Variants in NLRP1 observed in about 807,000 individuals in gnomAD.
NLRP1 encodes NLR family pyrin domain containing 1.
Under a neutral mutation model 136.7 loss-of-function variants are expected in NLRP1, and 94 were observed. The ratio of observed to expected loss-of-function variants is 0.69; its 90% confidence interval spans 0.58 to 0.82. The LOEUF (loss-of-function observed/expected upper bound fraction) is 0.82, where lower values mean the gene tolerates loss of function less well. Among genes scored for constraint, NLRP1 ranks in the 40% least tolerant of loss-of-function variants. NLRP1 has a pLI of 0.00. For missense variants in NLRP1, 1,575 were observed against 1,802.7 expected, an observed-to-expected ratio of 0.87 and a Z score of 2.29; for synonymous variants, 690 against 725.1, an observed-to-expected ratio of 0.95 and a Z score of 0.78.
At chr17:5,547,620 G>T (rs115019185) in intron 5 of NLRP1, among the ~76,000 whole-genome samples, 1 of 152,196 alleles carries the variant, frequency 6.6e-6, no homozygotes, top group Non-Finnish European at 1.5e-5. Flanking sequence ...AATGTAAAAA[G>T]AGTACATTGA....
At chr17:5,513,536 T>G (rs1291347488), downstream of NLRP1, among the ~76,000 whole-genome samples, 1 of 152,186 alleles carries the variant, frequency 6.6e-6, no homozygotes, top group Non-Finnish European at 1.5e-5. Flanking sequence ...CAGAGAAAAA[T>G]AATTAGTCCA....
exon 16 of NLRP1, chr17:5,501,566 TCTTC>T (rs1211726894): frequency 1.5e-5 from 6 of 403,492 alleles, no homozygotes; most frequent in Non-Finnish European, 2.8e-5. Context: ...TTCTCTGCCT[TCTTC>T]CTTTTTTTTC....
Position 5,553,561 on chromosome 17 carries a change from G to C in NLRP1, c.2358-5C>G, listed in dbSNP as rs199738200. On this transcript the variant is annotated splice_region_variant and splice_polypyrimidine_tract_variant and intron_variant, in intron 4 of 16. Transcript: ENST00000572272. ...GTGACTGGGACCCACCTGAACCTGA[G>C]GGGGAGAGAGAAGGACAGGAGAGAT... is the stretch of plus-strand genomic sequence containing the variant. 38 of 1,612,560 alleles carry C rather than the reference G, an allele frequency of 2.4e-5. No homozygotes were observed. Among genetic ancestry groups the C allele is most frequent in the Middle Eastern group, 1.6e-4 (1 of 6,070 alleles).
chr17:5,558,660 C>A lies in NLRP1; in HGVS notation c.2036G>T (p.Ser679Ile), dbSNP rs199567688. ...CTCCATCTCTCTCTCCCCCTCATCA[C>A]TTAACAGGCCCAATAGGAAACGTGT... ...STTRFLLGLL[S>I]DEGEREMENI... The change falls in exon 4 of 17, where the codon AGT becomes ATT. Residue 679 changes from serine (S) to isoleucine (I), a missense_variant. Physicochemically the swap from Ser to Ile is moderately radical, Grantham distance 142. Transcript: ENST00000572272. 6.2e-7 allele frequency: 1 copy of A among 1,614,166 alleles called. No homozygotes were observed. Among genetic ancestry groups the A allele is most frequent in the South Asian group, 1.1e-5 (1 of 91,078 alleles).
intron 4 of NLRP1, among the ~76,000 whole-genome samples, chr17:5,556,791 T>TA: frequency 6.6e-6 from 1 of 152,110 alleles, no homozygotes; most frequent in South Asian, 2.1e-4. Context: ...TTTCGGCTAA[T>TA]TTATGTATTT....
Position 5,537,310 on chromosome 17 carries a change from G to A in NLRP1, c.2871-370C>T, listed in dbSNP as rs1448808057. On this transcript the variant is annotated intron_variant, in intron 7 of 16. Transcript: ENST00000572272. The surrounding 1 kb of genome is among the most constrained non-coding windows in gnomAD (Gnocchi z 4.5). Reference sequence around the variant, plus strand: ...GTGGGCCTCCCCAGGAAGGAGATGTGGCCTTGGGTGAGGTGGCTCTCACTG... The same window carrying A: ...GTGGGCCTCCCCAGGAAGGAGATGTAGCCTTGGGTGAGGTGGCTCTCACTG... Among the ~76,000 whole-genome samples, 1 of 152,214 alleles carries A rather than the reference G, an allele frequency of 6.6e-6. No homozygotes were observed. The highest frequency in any genetic ancestry group is 2.4e-5 in the African/African-American group (1 of 41,454).
intron 4 of NLRP1, among the ~76,000 whole-genome samples, chr17:5,557,381 G>T (rs988293022): frequency 6.6e-6 from 1 of 151,896 alleles, no homozygotes; most frequent in African/African-American, 2.4e-5. Flanking sequence ...AAATATGAAG[G>T]CCCACATCAA....
chr17:5,546,229 T>C (rs981301162), intron 5 of NLRP1, among the ~76,000 whole-genome samples: 7 of 151,918 alleles, frequency 4.6e-5, no homozygotes, highest in African/African-American at 1.5e-4. Context: ...GCCATGTCTA[T>C]TGTACCAGCT....
chr17:5,564,248 T>C (rs966350881), intron 3 of NLRP1, among the ~76,000 whole-genome samples: 12 of 152,330 alleles, frequency 7.9e-5, no homozygotes, highest in African/African-American at 2.6e-4. Flanking sequence ...ATTAATTTAT[T>C]ATTGACTATA....
At chr17:5,530,930 A>C (rs975250361) in intron 11 of NLRP1, among the ~76,000 whole-genome samples, 1 of 152,186 alleles carries the variant, frequency 6.6e-6, no homozygotes, top group African/African-American at 2.4e-5. Flanking sequence ...TGTAAGTAGG[A>C]GTAATTATAG....
chr17:5,520,798 A>G, intron 14 of NLRP1, 83 bp downstream of exon 14: 2 of 1,269,144 alleles, frequency 1.6e-6, no homozygotes, highest in African/African-American at 1.5e-5. Context: ...GTCCCTGAGA[A>G]AGCCCTGAGA....
chr17:5,529,821 T>C (rs1215463719), intron 12 of NLRP1: 1 of 329,874 alleles, frequency 3.0e-6, no homozygotes, highest in East Asian at 8.2e-5. Context: ...AATTTCAGCA[T>C]CTGAAGGATT....
chr17:5,511,939 A>G (rs1312356713), downstream of NLRP1: 4 of 375,510 alleles, frequency 1.1e-5, no homozygotes, highest in Non-Finnish European at 2.0e-5. Flanking sequence ...TGATATTTAC[A>G]GTATAGTCCT....
chr17:5,574,799 C>A (rs1413663925), intron 3 of NLRP1, among the ~76,000 whole-genome samples: 3 of 151,594 alleles, frequency 2.0e-5, no homozygotes, highest in Non-Finnish European at 4.4e-5. Flanking sequence ...GCAGCTGGGA[C>A]TATAGGTGCC....
chr17:5,552,084 C>CTTTT (rs71151872), intron 5 of NLRP1, among the ~76,000 whole-genome samples: 7 of 96,672 alleles, frequency 7.2e-5, no homozygotes, highest in African/African-American at 2.1e-4. Flanking sequence ...TCTATCTTTC[C>CTTTT]TTTTTTTTTT....
chr17:5,553,124 C>T (rs985331581), intron 5 of NLRP1, among the ~76,000 whole-genome samples: 9 of 152,202 alleles, frequency 5.9e-5, no homozygotes, highest in African/African-American at 2.2e-4. Flanking sequence ...ATTCTCTTTT[C>T]CTGGAACTTT....
At chr17:5,539,371 C>A in intron 7 of NLRP1, 44 bp downstream of exon 7, 6 of 1,561,164 alleles carry the variant, frequency 3.8e-6, no homozygotes, top group South Asian at 2.4e-5. Flanking sequence ...CGATACCCCC[C>A]CAACCCTCTT....
At chr17:5,546,965 G>A (rs887656424) in intron 5 of NLRP1, among the ~76,000 whole-genome samples, 1 of 152,052 alleles carries the variant, frequency 6.6e-6, no homozygotes, top group Non-Finnish European at 1.5e-5. Context: ...GAATTAATCA[G>A]GCCCCGGCTT....
At chr17:5,521,444 C>G in intron 13 of NLRP1, 80 bp downstream of exon 13, 1 of 1,469,180 alleles carries the variant, frequency 6.8e-7, no homozygotes, top group Admixed American at 1.9e-5. Flanking sequence ...CAGTTGAAGA[C>G]CCTCTAGGGG....
Sources: allele counts gnomAD v4.1 joint callset (sites outside exome capture counted in the v4.1 genomes callset), GRCh38; gene constraint gnomAD v4.1.1; non-coding constraint Gnocchi (gnomAD v3.1); transcripts MANE v1.5; gene names NCBI Gene and HGNC (gene_info 2026-07-23, HGNC 2026-07-21).